Variants in ACOXL observed in about 807,000 individuals in gnomAD.
The protein encoded by ACOXL is acyl-coenzyme A oxidase-like protein.
Under a neutral mutation model 71.9 loss-of-function variants are expected in ACOXL, and 70 were observed. The observed-to-expected ratio is 0.97, with a 90% CI of 0.80 to 1.19. The LOEUF (loss-of-function observed/expected upper bound fraction) is 1.19, where lower values mean the gene tolerates loss of function less well. Among genes scored for constraint, ACOXL ranks in the 50% most tolerant of loss-of-function variants. ACOXL has a pLI of 0.00. For synonymous variants in ACOXL, 253 were observed against 281.6 expected (o/e 0.90, Z 1.02); for missense variants, 703 against 736.3 (o/e 0.95, Z 0.52).
intron 9 of ACOXL, among the ~76,000 whole-genome samples, chr2:110,827,757 A>T (rs987982745): frequency 6.6e-6 from 1 of 151,984 alleles, no homozygotes; most frequent in Non-Finnish European, 1.5e-5. Flanking sequence ...GCATGGGGTG[A>T]GGATGAGGGG....
chr2:111,043,444 C>T (rs546300384), intron 15 of ACOXL, among the ~76,000 whole-genome samples: 1 of 152,286 alleles, frequency 6.6e-6, no homozygotes, highest in East Asian at 1.9e-4. Flanking sequence ...TGGGGGACTT[C>T]AGAAGCTGTC....
intron 10 of ACOXL, among the ~76,000 whole-genome samples, chr2:110,893,095 AT>A (rs1458646702): frequency 3.9e-5 from 6 of 152,238 alleles, no homozygotes; most frequent in Non-Finnish European, 7.3e-5. Flanking sequence ...AATGCTTCTA[AT>A]AGGAAAAAAT....
chr2:110,755,369 C>T (rs1679529230), intron 1 of ACOXL, among the ~76,000 whole-genome samples: 1 of 152,090 alleles, frequency 6.6e-6, no homozygotes, highest in African/African-American at 2.4e-5. Context: ...GAGAACATGT[C>T]AAAAAATCAT....
At chr2:111,061,929 A>G (rs535981856) in intron 16 of ACOXL, among the ~76,000 whole-genome samples, 1 of 152,156 alleles carries the variant, frequency 6.6e-6, no homozygotes, top group South Asian at 2.1e-4. Context: ...AAAAAAAAGA[A>G]ATGAGAAAAC....
intron 9 of ACOXL, among the ~76,000 whole-genome samples, chr2:110,832,420 C>T (rs1028374615): frequency 1.3e-5 from 2 of 151,876 alleles, no homozygotes; most frequent in African/African-American, 4.8e-5. Flanking sequence ...CGCCTGTAGT[C>T]CCAGCTACTC....
chr2:110,779,094 G>A (rs1474942357), intron 2 of ACOXL, among the ~76,000 whole-genome samples: 1 of 152,212 alleles, frequency 6.6e-6, no homozygotes, highest in Non-Finnish European at 1.5e-5. Context: ...ATCCTACACT[G>A]TCAGGGTCCT....
chr2:110,805,470 G>A, intron 9 of ACOXL, 75 bp downstream of exon 9: 1 of 1,580,054 alleles, frequency 6.3e-7, no homozygotes, highest in East Asian at 2.2e-5. Flanking sequence ...ACAATTCCAG[G>A]AGCTGAGCTT....
Position 110,995,895 on chromosome 2 carries a change from T to C in ACOXL, c.1172T>C (p.Phe391Ser). ...TGGTCACCGTGATTTTCTTTCAGTT[T>C]CCTGGCATTTAACATGGACACAGTT... Reference protein sequence around the residue: ...ESVGDKLRTSFLAFNMDTVDD... With the variant: ...ESVGDKLRTSSLAFNMDTVDD... The change falls in exon 14 of 18, where the codon TTC (phenylalanine) becomes TCC (serine). Residue 391 changes from phenylalanine (F) to serine (S), a missense_variant and splice_region_variant. Transcript: ENST00000439055. 1 of 1,613,236 alleles carries C rather than the reference T, an allele frequency of 6.2e-7. No individual in the cohort carries two copies.
intron 10 of ACOXL, among the ~76,000 whole-genome samples, chr2:110,846,083 C>A (rs1307231493): frequency 6.6e-6 from 1 of 152,020 alleles, no homozygotes; most frequent in Non-Finnish European, 1.5e-5. Context: ...GGGAAGGGGT[C>A]CTCTTTGTGT....
intron 11 of ACOXL, among the ~76,000 whole-genome samples, chr2:110,924,838 C>T (rs1185141570): frequency 2.8e-5 from 4 of 145,186 alleles, no homozygotes; most frequent in African/African-American, 5.0e-5. Context: ...ATTTTCAATT[C>T]ACCTAGGTCC....
At chr2:110,776,347 G>C (rs1030071219) in intron 2 of ACOXL, among the ~76,000 whole-genome samples, 2 of 151,346 alleles carry the variant, frequency 1.3e-5, no homozygotes. Flanking sequence ...GGATGGTGAT[G>C]ATGGTTGCCA....
intron 14 of ACOXL, among the ~76,000 whole-genome samples, chr2:111,001,218 G>A (rs2063611894): frequency 6.6e-6 from 1 of 152,172 alleles, no homozygotes; most frequent in African/African-American, 2.4e-5. Context: ...AGATTTGTGG[G>A]TGTGGCTTTT....
chr2:110,782,719 C>T (rs1444394172), intron 2 of ACOXL, among the ~76,000 whole-genome samples: 2 of 152,142 alleles, frequency 1.3e-5, no homozygotes, highest in Admixed American at 6.5e-5. Flanking sequence ...CCATTAATGG[C>T]AAAGTCATAC....
chr2:110,837,028 G>GT (rs1177023234), intron 9 of ACOXL, among the ~76,000 whole-genome samples: 1 of 152,232 alleles, frequency 6.6e-6, no homozygotes, highest in Non-Finnish European at 1.5e-5. Context: ...TCCAGCTTTT[G>GT]TTGAAGAATT....
intron 12 of ACOXL, chr2:110,968,158 C>A: frequency 8.0e-7 from 1 of 1,256,496 alleles, no homozygotes; most frequent in Non-Finnish European, 1.1e-6. Context: ...GGCCCGCAGG[C>A]TTCTCAATAG....
At chr2:110,854,830 G>C (rs530254260) in intron 10 of ACOXL, among the ~76,000 whole-genome samples, 72 of 152,274 alleles carry the variant, frequency 4.7e-4, no homozygotes, top group South Asian at 3.9e-3. Context: ...TCTGGCATGG[G>C]GTCAAGGATG....
rs1349656274 is a variant in ACOXL at position 110,915,422 on chromosome 2, A to AT, written c.905+6518dup. On this transcript the variant is annotated intron_variant, in intron 11 of 17. Transcript: ENST00000439055. ...TGTGTATATACATATATATATATAT[A>AT]TATATATTTTTTTTTTTTTGAGATG... Among the ~76,000 whole-genome samples, 29 of 126,548 alleles carry AT rather than the reference A, an allele frequency of 2.3e-4. 1 individual carries two copies. The highest frequency in any genetic ancestry group is 6.8e-4 in the African/African-American group (20 of 29,318). 83.0% of individuals were successfully genotyped at this position (126,548 alleles called of 152,430 possible). A position where few individuals can be genotyped will look rare whatever the true frequency, so the allele number is the denominator to read the frequency against.
At chr2:110,896,360 G>A (rs28811027) in intron 10 of ACOXL, among the ~76,000 whole-genome samples, 47,412 of 151,930 alleles carry the variant, frequency 0.31, 7,760 homozygotes, top group Middle Eastern at 0.37. Flanking sequence ...TTAAAAAGTC[G>A]GACTTAAGCC....
chr2:110,806,521 C>A (rs541185076), intron 9 of ACOXL, among the ~76,000 whole-genome samples: 1 of 152,314 alleles, frequency 6.6e-6, no homozygotes, highest in East Asian at 1.9e-4. Flanking sequence ...CAACAGAAGC[C>A]ATTTCAGCCA....
Sources: allele counts gnomAD v4.1 joint callset (sites outside exome capture counted in the v4.1 genomes callset), GRCh38; gene constraint gnomAD v4.1.1; transcripts MANE v1.5; gene names NCBI Gene and HGNC (gene_info 2026-07-23, HGNC 2026-07-21).